The following CPNE6 variants were observed in gnomAD, a reference collection of about 807,000 sequenced individuals.
The protein encoded by CPNE6 is copine-6.
A neutral mutation model predicts 71.5 loss-of-function variants in CPNE6; 33 were observed. The ratio of observed to expected loss-of-function variants is 0.46; its 90% CI spans 0.35 to 0.62. The LOEUF (loss-of-function observed/expected upper bound fraction) is 0.62. CPNE6 is among the 20% of genes least tolerant of loss of function. The pLI is 0.00. For missense variants in CPNE6, 576 were observed against 747.3 expected, an observed-to-expected ratio of 0.77 and a Z score of 2.67; for synonymous variants, 296 against 293.0, an observed-to-expected ratio of 1.01 and a Z score of -0.10.
chr14:24,073,573 TGAG>T lies in CPNE6; in HGVS notation c.247_249del (p.Glu83del). On this transcript the variant is annotated inframe_deletion, in exon 4 of 18. Transcript: ENST00000397016. The surrounding 1 kb of genome is among the most constrained non-coding windows in gnomAD (Gnocchi z 5.5). Reference sequence around the variant, plus strand: ...GGGTGCTGGCCCTTGAGTATTTTTTTGAGGAGAAGCAGCCCCTGCAGTTCCACG... The same window carrying T: ...GGGTGCTGGCCCTTGAGTATTTTTTTGAGAAGCAGCCCCTGCAGTTCCACG... The T allele has an allele frequency of 6.2e-7, 1 of 1,614,068 alleles. No homozygotes were observed. The highest frequency in any genetic ancestry group is 8.5e-7 in the Non-Finnish European group (1 of 1,180,032).
chr14:24,071,662 C>G (rs1029798304), intron 2 of CPNE6, 21 bp downstream of exon 1: 15 of 803,800 alleles, frequency 1.9e-5, no homozygotes, highest in Non-Finnish European at 2.3e-5. Context: ...CCTTCCTCCC[C>G]AGCCCAGCCC....
At position 24,073,416 on chromosome 14, in the gene CPNE6, TG is replaced by T; in HGVS notation, c.169-81del. ...GGGGACGTGGGGGCCCAAGAAGAGC[TG>T]GCATGACTAGGGCAGTCCAGGACAG... On this transcript the variant is annotated intron_variant, in intron 3 of 17. Coordinates refer to ENST00000397016, the Ensembl canonical transcript of CPNE6. This position sits in a 1 kb window ranked among gnomAD's most constrained non-coding sequence, Gnocchi z 5.5. 1 of 1,442,802 alleles carries T rather than the reference TG, an allele frequency of 6.9e-7. No homozygotes were observed. Among genetic ancestry groups the T allele is most frequent in the Non-Finnish European group, 9.4e-7 (1 of 1,064,700 alleles). 89.4% of individuals were successfully genotyped at this position (1,442,802 alleles called of 1,614,324 possible). A position where few individuals can be genotyped will look rare whatever the true frequency, so the allele number is the denominator to read the frequency against.
Position 24,075,881 on chromosome 14 carries a change from T to A in CPNE6, c.919T>A (p.Phe307Ile). 6.2e-7 allele frequency: 1 copy of A among 1,614,054 alleles called. No individual in the cohort carries two copies. The highest frequency in any genetic ancestry group is 8.5e-7 in the Non-Finnish European group (1 of 1,179,986). Residue 307 changes from phenylalanine (F) to isoleucine (I), a missense_variant, in exon 11 of 18, where the codon TTC (phenylalanine) becomes ATC (isoleucine). Transcript: ENST00000397016. The surrounding 1 kb of genome is among the most constrained non-coding windows in gnomAD (Gnocchi z 4.3). The stretch of plus-strand genomic sequence containing the variant: ...CATCATGGGTGGCTGCCAGATCAGC[T>A]TCACGGTAAAGACTCAGAGGGAGGG...
rs761775239 is a variant in CPNE6 at position 24,072,931 on chromosome 14, A to G, written c.-4-2A>G. On this transcript the variant is annotated splice_acceptor_variant, in intron 2 of 17. Transcript: ENST00000397016. LOFTEE classifies it low-confidence loss of function (5UTR_SPLICE). Reference sequence around the variant, plus strand: ...TCCAGGCCACCTGCTCTGTCCCCACAGTGACATGTCGGACCCTGAGATGGG... The same window carrying G: ...TCCAGGCCACCTGCTCTGTCCCCACGGTGACATGTCGGACCCTGAGATGGG... 1 of 1,567,228 alleles carries G rather than the reference A, an allele frequency of 6.4e-7. No individual in the cohort carries two copies. Among genetic ancestry groups the G allele is most frequent in the Non-Finnish European group, 8.6e-7 (1 of 1,158,694 alleles).
At position 24,073,521 on chromosome 14, in the gene CPNE6, G is replaced by A. The variant is rs755181561; in HGVS notation, c.191G>A (p.Arg64His). Residue 64 changes from arginine (R) to histidine (H), a missense_variant, in exon 4 of 18, where the codon CGC (arginine) becomes CAC (histidine). Around this residue, in one of 4 missense-constraint regions of CPNE6, gnomAD observed 214 missense variants for 291.2 expected, o/e 0.73. Transcript: ENST00000397016. The surrounding 1 kb of genome is among the most constrained non-coding windows in gnomAD (Gnocchi z 5.5). ...CAGGTAGAGCGCACAGAGGTGCTTC[G>A]CTCCTGTTCCAGCCCTGTCTTCTCC... The A allele has an allele frequency of 5.6e-6, 9 of 1,613,582 alleles. No homozygotes were observed. Among genetic ancestry groups the A allele is most frequent in the African/African-American group, 1.3e-5 (1 of 74,920 alleles).
rs575914702 is a variant in CPNE6, at chr14:24,076,024, CATT to C, written c.925-122_925-120del. On this transcript the variant is annotated intron_variant, in intron 11 of 17. Transcript: ENST00000397016. ...ATTGTCAGCTTATGCACCCCCACAT[CATT>C]ATGTGGCTACCTGTAGCCTCCCCAC... 949 of 1,480,506 alleles carry C rather than the reference CATT, an allele frequency of 6.4e-4. 4 individuals are homozygous for C. The Middle Eastern group carries it at 0.012, about 19-fold the overall frequency. 91.7% of individuals were successfully genotyped at this position (1,480,506 alleles called of 1,614,324 possible). A position where few individuals can be genotyped will look rare whatever the true frequency, so the allele number is the denominator to read the frequency against.
intron 2 of CPNE6, chr14:24,071,857 A>G (rs946337095): frequency 1.4e-5 from 7 of 507,022 alleles, no homozygotes; most frequent in African/African-American, 3.9e-5. Context: ...TCCCTCACAT[A>G]TCCAGAAAGG....
chr14:24,076,717 C>A, intron 14 of CPNE6, 160 bp downstream of exon 13: 1 of 1,437,312 alleles, frequency 7.0e-7, no homozygotes, highest in East Asian at 2.3e-5. Context: ...GCATCTGCAC[C>A]CAACTCTCCC....
chr14:24,077,431 C>T lies in CPNE6; in HGVS notation c.1536+41C>T. 6.3e-7 allele frequency: 1 copy of T among 1,589,932 alleles called. No individual in the cohort carries two copies. The highest frequency in any genetic ancestry group is 8.6e-7 in the Non-Finnish European group (1 of 1,158,236). ...CCCTTCCGGCTGAAGGACTCCTCAG[C>T]TTCTCATCCCCCCAAATCTGACCTT... is the stretch of plus-strand genomic sequence containing the variant. On this transcript the variant is annotated intron_variant, in intron 16 of 17. Coordinates refer to ENST00000397016, the Ensembl canonical transcript of CPNE6. The surrounding 1 kb of genome is among the most constrained non-coding windows in gnomAD (Gnocchi z 6.1).
chr14:24,071,084 G>A lies in CPNE6; in HGVS notation c.-120+56G>A, dbSNP rs557422887. 9.5e-6 allele frequency: 14 copies of A among 1,473,940 alleles called. No homozygotes were observed. The African/African-American group carries it at 1.3e-4, about 13-fold the overall frequency. 91.3% of individuals were successfully genotyped at this position (1,473,940 alleles called of 1,614,324 possible). On this transcript the variant is annotated intron_variant, in intron 1 of 17. Transcript: ENST00000397016. ...GACAGCCCAGTGTTCCTGTATATGT[G>A]ACTGCAGATATCCTTAGCTAGTGTA...
At chr14:24,071,089 C>A in intron 1 of CPNE6, 1 of 1,455,858 alleles carries the variant, frequency 6.9e-7, no homozygotes, top group Non-Finnish European at 9.3e-7. Flanking sequence ...TATGTGACTG[C>A]AGATATCCTT....
chr14:24,071,501 G>GGGGGCCCCC, intron 1 of CPNE6, 61 bp from the exon 1 acceptor site: 15 of 1,416,676 alleles, frequency 1.1e-5, no homozygotes, highest in Non-Finnish European at 1.3e-5. Context: ...CTGGTGCTGC[G>GGGGGCCCCC]CCCCCCCCCA....
In CPNE6 at chr14:24,075,035, C is replaced by T. The variant is rs2036014587; in HGVS notation, c.673-137C>T. 1 of 771,818 alleles carries T rather than the reference C, an allele frequency of 1.3e-6. No homozygotes were observed. The highest frequency in any genetic ancestry group is 2.2e-6 in the Non-Finnish European group (1 of 444,568). 47.8% of individuals were successfully genotyped at this position (771,818 alleles called of 1,614,324 possible). On this transcript the variant is annotated intron_variant, in intron 8 of 17. Coordinates refer to ENST00000397016, the Ensembl canonical transcript of CPNE6. The surrounding 1 kb of genome is among the most constrained non-coding windows in gnomAD (Gnocchi z 4.3). ...AAGTTCAGCAGGTGGCCTCTCCGGG[C>T]AGGCTGAGGATGTCTGTTTGGGCAT... is the stretch of plus-strand genomic sequence containing the variant.
At chr14:24,071,501 G>GCACCCC in intron 1 of CPNE6, 61 bp from the exon 1 acceptor site, 1 of 1,416,704 alleles carries the variant, frequency 7.1e-7, no homozygotes, top group Non-Finnish European at 9.3e-7. Flanking sequence ...CTGGTGCTGC[G>GCACCCC]CCCCCCCCCA....
At chr14:24,072,895 C>T (rs1447281973) in intron 2 of CPNE6, 38 bp from the exon 2 acceptor site, 1 of 1,467,224 alleles carries the variant, frequency 6.8e-7, no homozygotes, top group South Asian at 1.4e-5. Context: ...GCAGGTGTTC[C>T]CTTTCCAGAG....
chr14:24,076,836 C>T (rs898895486), intron 14 of CPNE6, 43 bp from the exon 14 acceptor site: 31 of 1,608,738 alleles, frequency 1.9e-5, no homozygotes, highest in Non-Finnish European at 2.5e-5. Context: ...AGGAGGGGGC[C>T]CTGCTCATTT....
At chr14:24,071,483 G>A (rs867990196) in intron 1 of CPNE6, 79 bp from the exon 1 acceptor site, 28 of 1,524,920 alleles carry the variant, frequency 1.8e-5, no homozygotes, top group South Asian at 4.8e-5. Flanking sequence ...CCATCCACGC[G>A]GGGGGAGCTG....
At chr14:24,072,834 G>C in intron 2 of CPNE6, 99 bp from the exon 2 acceptor site, 1 of 1,127,926 alleles carries the variant, frequency 8.9e-7, no homozygotes, top group Non-Finnish European at 1.2e-6. Context: ...GTCTAGGGAA[G>C]GAGGTTAAGG....
rs1232661142 is a variant in CPNE6 at position 24,077,292 on chromosome 14, C to T, written c.1438C>T (p.Arg480Trp). The change falls in exon 16 of 18, where the codon CGG (arginine) becomes TGG (tryptophan). Residue 480 changes from arginine (R) to tryptophan (W), a missense_variant. Around this residue, in one of 4 missense-constraint regions of CPNE6, gnomAD observed 264 missense variants for 339.9 expected, o/e 0.78. Coordinates refer to ENST00000397016, the Ensembl canonical transcript of CPNE6. This position sits in a 1 kb window ranked among gnomAD's most constrained non-coding sequence, Gnocchi z 6.1. ...GGGCAATGCTGACTTCTCTGACATG[C>T]GGCTGCTGGATGGCGACGACGGCCC... 20 of 1,613,694 alleles carry T rather than the reference C, an allele frequency of 1.2e-5. No homozygotes were observed. The highest frequency in any genetic ancestry group is 2.2e-5 in the East Asian group (1 of 44,898).
Sources: gnomAD v4.1 joint callset for allele counts on GRCh38, gnomAD v4.1.1 for gene constraint, gnomAD v4.1.1 regional missense constraint, Gnocchi (gnomAD v3.1) non-coding constraint, MANE v1.5 for transcripts, NCBI Gene and HGNC (gene_info 2026-07-23, HGNC 2026-07-21) for gene names.